The following SLC35F3 variants were observed in gnomAD, a reference collection of about 807,000 sequenced individuals.
SLC35F3 encodes the protein solute carrier family 35 member F3, also known as putative thiamine transporter SLC35F3.
In SLC35F3, 25 loss-of-function variants were observed where a neutral mutation model predicts 49.9. The ratio of observed to expected loss-of-function variants is 0.50; its 90% CI spans 0.37 to 0.70. The LOEUF (loss-of-function observed/expected upper bound fraction) is 0.70. Among genes scored for constraint, SLC35F3 ranks in the 30% least tolerant of loss-of-function variants. The pLI, the probability that SLC35F3 is intolerant of heterozygous loss-of-function variation, is 0.00. For synonymous variants in SLC35F3, 275 were observed against 265.4 expected, an observed-to-expected ratio of 1.04 and a Z score of -0.35; for missense variants, 525 against 639.8, an observed-to-expected ratio of 0.82 and a Z score of 1.94.
chr1:234,074,859 C>T (rs1017381606), intron 2 of SLC35F3, among the ~76,000 whole-genome samples: 13 of 152,178 alleles, frequency 8.5e-5, no homozygotes, highest in African/African-American at 2.9e-4. Flanking sequence ...CCAGGTGACA[C>T]TGATGAGAAT....
At chr1:234,005,346 T>C (rs1193800674) in intron 2 of SLC35F3, among the ~76,000 whole-genome samples, 1 of 152,204 alleles carries the variant, frequency 6.6e-6, no homozygotes, top group Non-Finnish European at 1.5e-5. Context: ...TATGAGTGAC[T>C]TGTTCGATGT....
At chr1:234,108,799 T>TTA (rs1161104987) in intron 2 of SLC35F3, among the ~76,000 whole-genome samples, 4 of 115,874 alleles carry the variant, frequency 3.5e-5, no homozygotes, top group African/African-American at 1.0e-4. Flanking sequence ...ATATATATAT[T>TTA]TATATATATA....
chr1:233,926,989 A>C (rs1379130247), intron 2 of SLC35F3, among the ~76,000 whole-genome samples: 1 of 152,202 alleles, frequency 6.6e-6, no homozygotes, highest in Non-Finnish European at 1.5e-5. Context: ...CAAATATTGC[A>C]GAACGGCAAA....
intron 2 of SLC35F3, among the ~76,000 whole-genome samples, chr1:233,997,487 A>C (rs761427917): frequency 6.6e-6 from 1 of 152,090 alleles, no homozygotes; most frequent in Non-Finnish European, 1.5e-5. Flanking sequence ...GCATTTCTCC[A>C]ATGATGAGTG....
chr1:234,244,235 T>A (rs988810357), intron 3 of SLC35F3, among the ~76,000 whole-genome samples: 4 of 152,206 alleles, frequency 2.6e-5, no homozygotes, highest in Non-Finnish European at 5.9e-5. Flanking sequence ...TTATTCTGAA[T>A]ATAATAAAAA....
At chr1:234,212,684 A>C (rs1332273863) in intron 2 of SLC35F3, 1 of 152,232 alleles carries the variant, frequency 6.6e-6, no homozygotes, top group African/African-American at 2.4e-5. Flanking sequence ...GTGCTTAAAA[A>C]CGTGTGCAAT....
intron 2 of SLC35F3, among the ~76,000 whole-genome samples, chr1:234,018,938 G>A (rs750210440): frequency 9.2e-5 from 14 of 152,292 alleles, no homozygotes; most frequent in Admixed American, 7.2e-4. Flanking sequence ...AATTAATTGC[G>A]TGTTATGACT....
chr1:234,297,219 A>G (rs1485487857), intron 3 of SLC35F3, among the ~76,000 whole-genome samples: 1 of 152,264 alleles, frequency 6.6e-6, no homozygotes, highest in Non-Finnish European at 1.5e-5. Flanking sequence ...AAATGGGTAC[A>G]GCCACCATGG....
chr1:234,216,906 C>T (rs763297345), intron 2 of SLC35F3, among the ~76,000 whole-genome samples: 36 of 152,208 alleles, frequency 2.4e-4, no homozygotes, highest in Non-Finnish European at 1.9e-4. Flanking sequence ...CCCTCGGGGC[C>T]TCATAAAACC....
Position 234,165,341 on chromosome 1 carries a change from G to A in SLC35F3, c.284-66076G>A, listed in dbSNP as rs558946238. Among the ~76,000 whole-genome samples the A allele has an allele frequency of 1.9e-3, 288 of 152,080 alleles. 2 individuals are homozygous for A. The highest frequency in any genetic ancestry group is 9.7e-4 in the Non-Finnish European group (66 of 67,992). On this transcript the variant is annotated intron_variant, in intron 2 of 7. Transcript: ENST00000366618. ...TTATCCTCTCTCTTATAATTCAGTC[G>A]CTATTATGAAGGGCTCTGTGTGTCC...
intron 2 of SLC35F3, among the ~76,000 whole-genome samples, chr1:234,186,550 T>C (rs1197057668): frequency 2.6e-5 from 4 of 152,132 alleles, no homozygotes; most frequent in African/African-American, 7.2e-5. Context: ...GGCACCTCAT[T>C]TGAGGTGAGA....
chr1:234,121,057 A>G (rs567663295), intron 2 of SLC35F3, among the ~76,000 whole-genome samples: 2 of 152,186 alleles, frequency 1.3e-5, no homozygotes, highest in East Asian at 1.9e-4. Context: ...TCTTCAATAG[A>G]AAAAAATAGC....
intron 2 of SLC35F3, among the ~76,000 whole-genome samples, chr1:234,189,470 C>T (rs1429455309): frequency 6.8e-6 from 1 of 147,630 alleles, no homozygotes; most frequent in Non-Finnish European, 1.5e-5. Flanking sequence ...GAACGAACTT[C>T]AGAGCTCGAA....
At chr1:234,195,374 C>T (rs554215045) in intron 2 of SLC35F3, among the ~76,000 whole-genome samples, 37 of 152,312 alleles carry the variant, frequency 2.4e-4, no homozygotes, top group African/African-American at 8.2e-4. Context: ...TCAAACTTGA[C>T]TTTATTCAGG....
intron 2 of SLC35F3, among the ~76,000 whole-genome samples, chr1:234,068,322 A>T (rs1664651366): frequency 6.6e-6 from 1 of 152,162 alleles, no homozygotes; most frequent in South Asian, 2.1e-4. Context: ...CTTCCTCTTG[A>T]AACTCCTGTA....
chr1:234,250,426 G>A (rs1667716881), intron 3 of SLC35F3, among the ~76,000 whole-genome samples: 1 of 152,124 alleles, frequency 6.6e-6, no homozygotes, highest in South Asian at 2.1e-4. Flanking sequence ...AGGCCGAGGC[G>A]GGCGGATCAC....
At chr1:234,305,149 C>T (rs541986712) in intron 3 of SLC35F3, among the ~76,000 whole-genome samples, 1 of 152,248 alleles carries the variant, frequency 6.6e-6, no homozygotes, top group East Asian at 1.9e-4. Context: ...GATAAGCCAT[C>T]CTCATCCCTA....
Position 234,081,904 on chromosome 1 carries a change from ATTTTTTT to A in SLC35F3, c.284-149487_284-149481del, listed in dbSNP as rs781469880. 4.1e-4 allele frequency among the ~76,000 whole-genome samples: 16 copies of A among 39,232 alleles called. No individual in the cohort carries two copies. The South Asian group carries it at 4.3e-3, about 11-fold the overall frequency. The allele number at this position is 39,232 out of a possible 152,430, so 25.7% of individuals were successfully genotyped here. A position where few individuals can be genotyped will look rare whatever the true frequency, so the allele number is the denominator to read the frequency against. On this transcript the variant is annotated intron_variant, in intron 2 of 7. Transcript: ENST00000366618. ...AGGCGCCTGCCACCATGCCTGGCTA[ATTTTTTT>A]TTTTTTTTTTTTTTTTTTTTTTTTT...
intron 3 of SLC35F3, among the ~76,000 whole-genome samples, chr1:234,242,072 A>G (rs1667562587): frequency 6.6e-6 from 1 of 152,218 alleles, no homozygotes; most frequent in African/African-American, 2.4e-5. Flanking sequence ...TTGCTTGGCT[A>G]ATGAAACAGG....
Sources: gnomAD v4.1 joint callset for allele counts (sites outside exome capture counted in the v4.1 genomes callset) on GRCh38, gnomAD v4.1.1 for gene constraint, MANE v1.5 for transcripts, NCBI Gene and HGNC (gene_info 2026-07-23, HGNC 2026-07-21) for gene names.